Variants in CYRIB observed in about 807,000 individuals in gnomAD.
CYRIB encodes the protein CYFIP related Rac1 interactor B, also known as CYFIP-related Rac1 interactor B.
A neutral mutation model predicts 44.2 loss-of-function variants in CYRIB; 8 were observed. That is an observed-to-expected ratio of 0.18 (90% CI 0.11 to 0.33). CYRIB has a LOEUF of 0.33. Ranked by LOEUF, CYRIB falls within the 10% of genes least tolerant of loss-of-function variation. The pLI is 1.00. For synonymous variants in CYRIB, 131 were observed against 127.2 expected (o/e 1.03, Z -0.20); for missense variants, 185 against 382.8 (o/e 0.48, Z 4.31).
chr8:129,924,907 A>T (rs764751144), intron 1 of CYRIB, among the ~76,000 whole-genome samples: 47 of 152,318 alleles, frequency 3.1e-4, no homozygotes, highest in Non-Finnish European at 4.3e-4. Context: ...AGGCCTTGGA[A>T]GTCGAGGCTG....
At chr8:129,879,008 C>T (rs1438776527) in intron 3 of CYRIB, among the ~76,000 whole-genome samples, 1 of 152,098 alleles carries the variant, frequency 6.6e-6, no homozygotes, top group Admixed American at 6.6e-5. Context: ...ATAACTGAAA[C>T]CTGGTCGATT....
chr8:129,904,015 T>C (rs961630055), intron 1 of CYRIB, among the ~76,000 whole-genome samples: 11 of 152,170 alleles, frequency 7.2e-5, no homozygotes, highest in Admixed American at 1.3e-4. Context: ...TGGCCTCCCA[T>C]AGTGCTGGGA....
chr8:129,975,909 T>TC (rs2095894876), intron 1 of CYRIB, among the ~76,000 whole-genome samples: 2 of 152,018 alleles, frequency 1.3e-5, no homozygotes, highest in Non-Finnish European at 2.9e-5. Context: ...GCTCCAAAGC[T>TC]CCCCAGGTGA....
upstream of CYRIB, chr8:129,939,866 GGCGCCGCGGACCTGTCCGGCCGTGCGCAT>G (rs2093510505): frequency 6.6e-6 from 1 of 152,412 alleles, no homozygotes; most frequent in South Asian, 2.1e-4. Context: ...AGGAAGTGAG[GGCGCCGCGGACCTGTCCGGCCGTGCGCAT>G]GCGCCGCACG....
At chr8:129,859,725 T>C (rs1430279076) in intron 5 of CYRIB, among the ~76,000 whole-genome samples, 2 of 152,238 alleles carry the variant, frequency 1.3e-5, no homozygotes, top group Non-Finnish European at 2.9e-5. Context: ...GTTATGATTA[T>C]AGAGCGAGGA....
intron 2 of CYRIB, among the ~76,000 whole-genome samples, chr8:129,891,311 C>T (rs2065296912): frequency 1.3e-5 from 2 of 152,198 alleles, no homozygotes; most frequent in South Asian, 4.1e-4. Context: ...ATATTAAAAT[C>T]CCTCGTTTTC....
At chr8:129,938,996 A>G (rs2093305443) in intron 1 of CYRIB, among the ~76,000 whole-genome samples, 1 of 152,180 alleles carries the variant, frequency 6.6e-6, no homozygotes, top group African/African-American at 2.4e-5. Context: ...CTGGACTTTA[A>G]ACGCTGATCA....
intron 1 of CYRIB, among the ~76,000 whole-genome samples, chr8:129,972,149 T>C (rs746813688): frequency 2.0e-5 from 3 of 152,266 alleles, no homozygotes; most frequent in Non-Finnish European, 2.9e-5. Flanking sequence ...GAACCCTATC[T>C]GCTGATAATT....
intron 5 of CYRIB, among the ~76,000 whole-genome samples, chr8:129,860,930 A>T (rs2049077838): frequency 6.6e-6 from 1 of 152,112 alleles, no homozygotes; most frequent in South Asian, 2.1e-4. Context: ...GAAATTTTCA[A>T]AATTATGTGG....
rs545759310 is a variant in CYRIB, at chr8:129,969,220, G to A, written c.-243+1723C>T. Among the ~76,000 whole-genome samples the A allele has an allele frequency of 1.2e-3, 177 of 152,184 alleles. 2 individuals are homozygous for A. Among genetic ancestry groups the A allele is most frequent in the African/African-American group, 4.0e-3 (168 of 41,514 alleles). ...GTAGAGACAGGCCTTCGCCATGTTGGCCAGGCTGGTCTGGAACTCCTGACC... is the reference window on the plus strand; with the variant it reads ...GTAGAGACAGGCCTTCGCCATGTTGACCAGGCTGGTCTGGAACTCCTGACC... On this transcript the variant is annotated intron_variant, in intron 2 of 14. Coordinates refer to the CYRIB transcript ENST00000401979.
intron 1 of CYRIB, among the ~76,000 whole-genome samples, chr8:129,912,199 T>TTA (rs530976827): frequency 1.3e-5 from 2 of 152,226 alleles, no homozygotes; most frequent in South Asian, 2.1e-4. Flanking sequence ...GCTTTACAGT[T>TTA]TATATATATA....
intron 1 of CYRIB, among the ~76,000 whole-genome samples, chr8:129,998,049 A>T (rs947433404): frequency 1.4e-5 from 2 of 146,308 alleles, no homozygotes; most frequent in Non-Finnish European, 3.0e-5. Context: ...TGAACTCGGG[A>T]GGCAGAGGTT....
chr8:129,873,183 T>G (rs1167210288), intron 3 of CYRIB, among the ~76,000 whole-genome samples: 1 of 151,980 alleles, frequency 6.6e-6, no homozygotes, highest in Non-Finnish European at 1.5e-5. Context: ...TCAAATTTCT[T>G]TTCAGAAATC....
intron 1 of CYRIB, among the ~76,000 whole-genome samples, chr8:130,000,116 A>G (rs1253716106): frequency 6.6e-6 from 1 of 152,192 alleles, no homozygotes; most frequent in Non-Finnish European, 1.5e-5. Flanking sequence ...CTCAGCAAGT[A>G]GCTGAGTTCA....
chr8:129,993,861 CA>C (rs113438463), intron 1 of CYRIB, among the ~76,000 whole-genome samples: 576 of 140,474 alleles, frequency 4.1e-3, no homozygotes, highest in African/African-American at 5.2e-3. Context: ...GACCCTGTCT[CA>C]AAAAAAAAAA....
intron 1 of CYRIB, among the ~76,000 whole-genome samples, chr8:130,014,387 G>A (rs751952167): frequency 1.2e-4 from 19 of 152,192 alleles, no homozygotes; most frequent in Admixed American, 2.0e-4. Flanking sequence ...ACATGATCAC[G>A]CTACTTCTGC....
chr8:129,933,291 G>A (rs1468497091), intron 1 of CYRIB, among the ~76,000 whole-genome samples: 1 of 152,184 alleles, frequency 6.6e-6, no homozygotes, highest in African/African-American at 2.4e-5. Context: ...TAATGAGCAA[G>A]ATGGTTAGGA....
In CYRIB at chr8:129,931,997, C is replaced by CTTTT. The variant is rs1235113746; in HGVS notation, c.-50+7607_-50+7610dup. On this transcript the variant is annotated intron_variant, in intron 1 of 11. Coordinates refer to ENST00000519824, the Ensembl canonical transcript of CYRIB. ...GGAAATAATTCTTCATAAGTATCTT[C>CTTTT]TTTTTTTTTTTTTTTTTTGAGATGG... Among the ~76,000 whole-genome samples, 49 of 129,432 alleles carry CTTTT rather than the reference C, an allele frequency of 3.8e-4. 1 individual carries two copies. In the South Asian group the frequency reaches 8.0e-3, roughly 21 times the overall value. 84.9% of individuals were successfully genotyped at this position (129,432 alleles called of 152,430 possible). A position where few individuals can be genotyped will look rare whatever the true frequency, so the allele number is the denominator to read the frequency against.
At chr8:129,849,956 T>C (rs1277504699) in intron 9 of CYRIB, 1 of 152,274 alleles carries the variant, frequency 6.6e-6, no homozygotes, top group Non-Finnish European at 1.5e-5. Flanking sequence ...TCCTCTCATT[T>C]GTGAAAAAGA....
Sources: gnomAD v4.1 joint callset for allele counts (sites outside exome capture counted in the v4.1 genomes callset) on GRCh38, gnomAD v4.1.1 for gene constraint, MANE v1.5 for transcripts, NCBI Gene and HGNC (gene_info 2026-07-23, HGNC 2026-07-21) for gene names.